Variants in KLRG1 observed in about 807,000 individuals in gnomAD.
KLRG1 encodes killer cell lectin like receptor G1.
KLRG1 carries 16 observed loss-of-function variants against 21.8 expected under a neutral mutation model. The observed-to-expected ratio is 0.73, with a 90% CI of 0.50 to 1.11. KLRG1 has a LOEUF of 1.11. Among genes scored for constraint, KLRG1 ranks in the 50% most tolerant of loss-of-function variants. The pLI, the probability that KLRG1 is intolerant of heterozygous loss-of-function variation, is 0.00. For synonymous variants in KLRG1, 69 were observed against 75.9 expected (o/e 0.91, Z 0.47); for missense variants, 173 against 218.3 (o/e 0.79, Z 1.31).
At chr12:9,079,991 G>T in the KLRG1 span, 1 of 939,410 alleles carries the variant, frequency 1.1e-6, no homozygotes. Flanking sequence ...AGAGAAGAAA[G>T]AAGTTAAAAT....
At chr12:9,128,052 T>C in the KLRG1 span, 1 of 225,064 alleles carries the variant, frequency 4.4e-6, no homozygotes, top group Non-Finnish European at 9.2e-6. Context: ...CATCAAGGCC[T>C]GCGCAGGGCG....
At chr12:9,196,026 T>C in the KLRG1 span, among the ~76,000 whole-genome samples, 14 of 152,248 alleles carry the variant, frequency 9.2e-5, no homozygotes, top group African/African-American at 2.4e-4. Flanking sequence ...CAGGTCATGA[T>C]AGAAATATCA....
chr12:9,087,607 TTAA>T, the KLRG1 span, among the ~76,000 whole-genome samples: 2 of 152,130 alleles, frequency 1.3e-5, no homozygotes, highest in East Asian at 1.9e-4. Flanking sequence ...GTGAATATAG[TTAA>T]TAATAGTGTA....
chr12:9,114,623 A>G, the KLRG1 span, among the ~76,000 whole-genome samples: 1 of 151,988 alleles, frequency 6.6e-6, no homozygotes, highest in African/African-American at 2.4e-5. Context: ...CTAAATTTTT[A>G]TATTTCAAAA....
At chr12:9,192,315 A>G in the KLRG1 span, 7 of 1,515,902 alleles carry the variant, frequency 4.6e-6, no homozygotes, top group East Asian at 2.3e-5. Flanking sequence ...TCAGCCTTCT[A>G]TTCCCCACAT....
the KLRG1 span, among the ~76,000 whole-genome samples, chr12:9,022,405 C>G: frequency 1.3e-5 from 2 of 152,122 alleles, no homozygotes; most frequent in Non-Finnish European, 2.9e-5. Context: ...TCTTTGTTGA[C>G]AGAAACATTG....
At chr12:8,980,074 T>C (rs1362202023) in intron 1 of KLRG1, among the ~76,000 whole-genome samples, 1 of 151,998 alleles carries the variant, frequency 6.6e-6, no homozygotes, top group African/African-American at 2.4e-5. Context: ...CTAATTTTTG[T>C]ATTTTTAGTA....
At chr12:9,067,945 C>A in the KLRG1 span, 1 of 1,155,548 alleles carries the variant, frequency 8.7e-7, no homozygotes, top group East Asian at 2.5e-5. Context: ...GAAACCTAAT[C>A]AGTACAGTGG....
the KLRG1 span, chr12:9,149,073 C>A: frequency 7.6e-7 from 1 of 1,312,824 alleles, no homozygotes; most frequent in Non-Finnish European, 1.1e-6. Flanking sequence ...GCAGAGTGAG[C>A]TTATGCAGGG....
chr12:9,104,473 T>C, the KLRG1 span: 3 of 1,451,456 alleles, frequency 2.1e-6, no homozygotes, highest in African/African-American at 4.3e-5. Context: ...ATTTATCACA[T>C]TTTTTAGTGC....
the KLRG1 span, chr12:9,153,492 C>G: frequency 1.3e-5 from 8 of 601,392 alleles, no homozygotes; most frequent in Middle Eastern, 4.4e-4. Context: ...TTTTCTCTGC[C>G]TTTCAGACAT....
At chr12:9,125,546 T>G in the KLRG1 span, among the ~76,000 whole-genome samples, 1 of 152,206 alleles carries the variant, frequency 6.6e-6, no homozygotes, top group African/African-American at 2.4e-5. Context: ...ATCACATTAT[T>G]TTCAATTGAC....
chr12:9,080,078 G>C, the KLRG1 span: 1 of 1,546,534 alleles, frequency 6.5e-7, no homozygotes. Context: ...GGATCCACTA[G>C]GGGCTGGAGA....
At chr12:9,120,210 G>C in the KLRG1 span, among the ~76,000 whole-genome samples, 3 of 152,196 alleles carry the variant, frequency 2.0e-5, no homozygotes, top group Non-Finnish European at 2.9e-5. Flanking sequence ...GCATCCATCA[G>C]TGTTTCCAGG....
At chr12:8,976,922 A>AT (rs1420360326) in intron 1 of KLRG1, among the ~76,000 whole-genome samples, 5 of 150,106 alleles carry the variant, frequency 3.3e-5, no homozygotes, top group South Asian at 2.1e-4. Context: ...AATTTTTTGT[A>AT]TTTTTTTTAG....
chr12:9,078,704 T>C, the KLRG1 span, among the ~76,000 whole-genome samples: 1 of 152,232 alleles, frequency 6.6e-6, no homozygotes, highest in Non-Finnish European at 1.5e-5. Flanking sequence ...GCTTTAAATC[T>C]CTCTTATCTT....
chr12:8,994,717 T>C (rs1203329191), intron 2 of KLRG1, among the ~76,000 whole-genome samples: 1 of 152,232 alleles, frequency 6.6e-6, no homozygotes, highest in Admixed American at 6.5e-5. Context: ...AATTATGCAA[T>C]ATATACACAG....
At chr12:9,011,032 A>G (rs1337198694), downstream of KLRG1, among the ~76,000 whole-genome samples, 1 of 152,216 alleles carries the variant, frequency 6.6e-6, no homozygotes, top group African/African-American at 2.4e-5. Context: ...TAAGGATGTA[A>G]TGATAGCGAT....
chr12:8,954,816 C>T (rs1031663651), intron 1 of KLRG1, among the ~76,000 whole-genome samples: 1 of 152,058 alleles, frequency 6.6e-6, no homozygotes, highest in Admixed American at 6.6e-5. Context: ...ATAAGCCATA[C>T]GATGTGTGAA....
Sources: gnomAD v4.1 joint callset for allele counts (sites outside exome capture counted in the v4.1 genomes callset) on GRCh38, gnomAD v4.1.1 for gene constraint, MANE v1.5 for transcripts, NCBI Gene and HGNC (gene_info 2026-07-23, HGNC 2026-07-21) for gene names.